Variants in ASIC2 observed in about 807,000 individuals in gnomAD.
ASIC2 encodes acid-sensing ion channel 2.
A neutral mutation model predicts 57.3 loss-of-function variants in ASIC2; 25 were observed. The ratio of observed to expected loss-of-function variants is 0.44; its 90% CI spans 0.32 to 0.61. The LOEUF (loss-of-function observed/expected upper bound fraction) is 0.61, where lower values mean the gene tolerates loss of function less well. Ranked by LOEUF, ASIC2 falls within the 20% of genes least tolerant of loss-of-function variation. The probability of loss-of-function intolerance (pLI) is 0.06; values close to 1 mark genes in which losing one functional copy is unlikely to be tolerated. For missense variants in ASIC2, 641 were observed against 738.1 expected (o/e 0.87, Z 1.52); for synonymous variants, 319 against 307.5 (o/e 1.04, Z -0.39).
At chr17:33,148,989 G>A (rs1425476681) in intron 1 of ASIC2, among the ~76,000 whole-genome samples, 3 of 152,142 alleles carry the variant, frequency 2.0e-5, no homozygotes, top group Non-Finnish European at 4.4e-5. Flanking sequence ...AGTTACTCAG[G>A]AGACTGAGGC....
intron 1 of ASIC2, among the ~76,000 whole-genome samples, chr17:33,113,739 C>T (rs372330108): frequency 9.2e-5 from 14 of 152,344 alleles, no homozygotes; most frequent in East Asian, 7.7e-4. Flanking sequence ...CAACTGTGAC[C>T]GTTGGCAGTT....
chr17:33,523,443 G>C (rs889770902), intron 1 of ASIC2, among the ~76,000 whole-genome samples: 2 of 152,084 alleles, frequency 1.3e-5, no homozygotes, highest in African/African-American at 4.8e-5. Context: ...ATTTATAGTA[G>C]AGATGGAGTT....
At position 33,128,372 on chromosome 17, in the gene ASIC2, C is replaced by T. The variant is rs114196237; in HGVS notation, c.709-16305G>A. ...TATTTGTGTGTTCAGCTGATTGATG[C>T]TTGTCTCTCCACACTAGACTATAAG... On this transcript the variant is annotated intron_variant, in intron 1 of 9. Coordinates refer to ENST00000225823, the MANE Select transcript of ASIC2 (RefSeq NM_183377.2). Among the ~76,000 whole-genome samples, 737 of 152,334 alleles carry T rather than the reference C, an allele frequency of 4.8e-3. 8 individuals carry two copies. Among genetic ancestry groups the T allele is most frequent in the African/African-American group, 0.014 (581 of 41,566 alleles).
chr17:34,143,311 T>A (rs1474424499), intron 1 of ASIC2, among the ~76,000 whole-genome samples: 4 of 152,220 alleles, frequency 2.6e-5, no homozygotes, highest in African/African-American at 4.8e-5. Context: ...TATTGGTACA[T>A]GCTATGGTTT....
At chr17:33,561,769 C>G (rs547011731) in intron 1 of ASIC2, among the ~76,000 whole-genome samples, 3 of 152,272 alleles carry the variant, frequency 2.0e-5, no homozygotes, top group East Asian at 3.9e-4. Context: ...AGCAGAAAGC[C>G]CAGCGGGAAT....
intron 1 of ASIC2, among the ~76,000 whole-genome samples, chr17:33,625,339 G>T (rs560618057): frequency 6.6e-6 from 1 of 152,206 alleles, no homozygotes; most frequent in East Asian, 1.9e-4. Context: ...ATTGAAAGCT[G>T]GTCTCCATCT....
At chr17:33,659,869 CTCAA>C (rs1465362213) in intron 1 of ASIC2, among the ~76,000 whole-genome samples, 2 of 113,010 alleles carry the variant, frequency 1.8e-5, no homozygotes, top group Non-Finnish European at 3.6e-5. Flanking sequence ...GAGACTCTGT[CTCAA>C]ATAAATAAAT....
intron 1 of ASIC2, among the ~76,000 whole-genome samples, chr17:33,740,906 A>C (rs1322182276): frequency 6.6e-6 from 1 of 152,166 alleles, no homozygotes; most frequent in Admixed American, 6.5e-5. Context: ...TTGTCCCTTC[A>C]ACAGGGTTAT....
intron 1 of ASIC2, among the ~76,000 whole-genome samples, chr17:33,989,590 T>TAA (rs1905939217): frequency 6.6e-6 from 1 of 151,768 alleles, no homozygotes; most frequent in African/African-American, 2.4e-5. Flanking sequence ...CTAAGACCTT[T>TAA]AACAGGTAAT....
chr17:33,895,314 C>T (rs1915069533), intron 1 of ASIC2, among the ~76,000 whole-genome samples: 1 of 152,034 alleles, frequency 6.6e-6, no homozygotes, highest in Non-Finnish European at 1.5e-5. Flanking sequence ...AGACATGCAC[C>T]ACCACACCCA....
intron 1 of ASIC2, chr17:34,120,257 A>AC (rs1409527252): frequency 6.6e-6 from 1 of 152,262 alleles, no homozygotes; most frequent in African/African-American, 2.4e-5. Flanking sequence ...TAGCGGTTTC[A>AC]CTTGGTATCC....
At chr17:33,052,722 A>C (rs1438378457) in intron 3 of ASIC2, 1 of 152,198 alleles carries the variant, frequency 6.6e-6, no homozygotes, top group Non-Finnish European at 1.5e-5. Flanking sequence ...GAACATCTTC[A>C]GTAAGAAAAT....
intron 1 of ASIC2, among the ~76,000 whole-genome samples, chr17:33,623,696 C>CTCTA (rs1411259964): frequency 6.6e-6 from 1 of 152,194 alleles, no homozygotes; most frequent in Non-Finnish European, 1.5e-5. Flanking sequence ...TTGTCCATTT[C>CTCTA]TCTATCTGCC....
intron 1 of ASIC2, among the ~76,000 whole-genome samples, chr17:33,996,049 T>C (rs1367447297): frequency 6.6e-6 from 1 of 152,134 alleles, no homozygotes; most frequent in African/African-American, 2.4e-5. Flanking sequence ...TTTTAACAGG[T>C]ATGAGGTAAT....
chr17:34,001,039 G>A (rs1906322307), intron 1 of ASIC2: 1 of 152,076 alleles, frequency 6.6e-6, no homozygotes, highest in Non-Finnish European at 1.5e-5. Context: ...TCTTTAAGAG[G>A]ATTATTTTAA....
intron 1 of ASIC2, among the ~76,000 whole-genome samples, chr17:33,853,992 T>A (rs1017614278): frequency 2.0e-5 from 3 of 152,326 alleles, no homozygotes; most frequent in African/African-American, 7.2e-5. Flanking sequence ...TTGATACATT[T>A]GCCCATCGAA....
intron 1 of ASIC2, among the ~76,000 whole-genome samples, chr17:34,121,480 T>A (rs1374847033): frequency 1.3e-5 from 2 of 152,130 alleles, no homozygotes; most frequent in Non-Finnish European, 2.9e-5. Flanking sequence ...GTTCAGTCCA[T>A]CCTATCTTCT....
At chr17:33,464,459 CT>C (rs1231931570) in intron 1 of ASIC2, among the ~76,000 whole-genome samples, 1 of 72,236 alleles carries the variant, frequency 1.4e-5, no homozygotes, top group East Asian at 3.4e-4. Flanking sequence ...CTCTTTTTCT[CT>C]TTCTTTCTTT....
chr17:33,920,939 A>T (rs1313759672), intron 1 of ASIC2, among the ~76,000 whole-genome samples: 3 of 152,220 alleles, frequency 2.0e-5, no homozygotes, highest in Non-Finnish European at 2.9e-5. Context: ...CTAGAAGTCC[A>T]GTCTTCAACA....
Sources: allele counts gnomAD v4.1 joint callset (sites outside exome capture counted in the v4.1 genomes callset), GRCh38; gene constraint gnomAD v4.1.1; transcripts MANE v1.5; gene names NCBI Gene and HGNC (gene_info 2026-07-23, HGNC 2026-07-21).